The following TENM3 variants were observed in gnomAD, a reference collection of about 807,000 sequenced individuals.
TENM3 encodes teneurin transmembrane protein 3.
A neutral mutation model predicts 255.1 loss-of-function variants in TENM3; 63 were observed. The observed-to-expected ratio is 0.25, with a 90% CI of 0.20 to 0.30. The LOEUF is 0.30. Among genes scored for constraint, TENM3 ranks in the 10% least tolerant of loss-of-function variants. TENM3 has a pLI of 1.00. For missense variants in TENM3, 2,929 were observed against 3,461.1 expected (o/e 0.85, Z 3.86); for synonymous variants, 1,306 against 1,322.3 (o/e 0.99, Z 0.27).
At chr4:181,594,084 T>C in the TENM3 span, among the ~76,000 whole-genome samples, 1 of 151,876 alleles carries the variant, frequency 6.6e-6, no homozygotes, top group Admixed American at 6.6e-5. Context: ...CCTAATAAGG[T>C]AGCTGTTTCC....
chr4:182,734,243 G>A (rs753300897), intron 16 of TENM3, among the ~76,000 whole-genome samples: 1 of 152,162 alleles, frequency 6.6e-6, no homozygotes, highest in Non-Finnish European at 1.5e-5. Context: ...AGATGTGTAA[G>A]CAACAGTGGA....
the TENM3 span, among the ~76,000 whole-genome samples, chr4:181,597,447 T>C: frequency 1.3e-5 from 2 of 152,338 alleles, no homozygotes; most frequent in East Asian, 1.9e-4. Flanking sequence ...TTATCTTTTA[T>C]CTGCCAACAT....
chr4:182,397,096 T>C lies in TENM3; in HGVS notation c.511+50167T>C, dbSNP rs1002781731. On this transcript the variant is annotated intron_variant, in intron 3 of 27. Coordinates refer to ENST00000511685, the MANE Select transcript of TENM3 (RefSeq NM_001080477.4). Reference sequence around the variant, plus strand: ...TCAAATACAATTGCTTCCATCATCATGTTATGAATTAGGAACAGAAGAGTT... The same window carrying C: ...TCAAATACAATTGCTTCCATCATCACGTTATGAATTAGGAACAGAAGAGTT... 2.0e-5 allele frequency among the ~76,000 whole-genome samples: 3 copies of C among 151,926 alleles called. No individual in the cohort carries two copies. The East Asian group carries it at 5.8e-4, about 29-fold the overall frequency.
At chr4:181,550,223 T>A in the TENM3 span, among the ~76,000 whole-genome samples, 2 of 152,328 alleles carry the variant, frequency 1.3e-5, no homozygotes, top group Admixed American at 1.3e-4. Flanking sequence ...GTATGAGATT[T>A]GGATTATAAC....
the TENM3 span, among the ~76,000 whole-genome samples, chr4:181,836,116 C>G: frequency 6.6e-6 from 1 of 151,884 alleles, no homozygotes; most frequent in Non-Finnish European, 1.5e-5. Context: ...ATCAATCATT[C>G]TCTCCCCAGA....
chr4:182,065,929 T>A, the TENM3 span, among the ~76,000 whole-genome samples: 1 of 152,204 alleles, frequency 6.6e-6, no homozygotes, highest in Non-Finnish European at 1.5e-5. Flanking sequence ...GCAATATGCT[T>A]TTGGCTGTTG....
chr4:181,558,577 T>C, the TENM3 span, among the ~76,000 whole-genome samples: 1 of 152,232 alleles, frequency 6.6e-6, no homozygotes, highest in Non-Finnish European at 1.5e-5. Flanking sequence ...TCCAAATGGA[T>C]GCATTTATGA....
the TENM3 span, among the ~76,000 whole-genome samples, chr4:181,793,274 A>C: frequency 2.0e-5 from 3 of 152,150 alleles, no homozygotes; most frequent in African/African-American, 7.2e-5. Flanking sequence ...CTTTCTTCTA[A>C]GGCAAAATCT....
chr4:182,767,369 G>T (rs1371459886), intron 22 of TENM3, among the ~76,000 whole-genome samples: 2 of 152,172 alleles, frequency 1.3e-5, no homozygotes, highest in Admixed American at 1.3e-4. Context: ...TCATGACGGG[G>T]TTAGTAGTTG....
the TENM3 span, among the ~76,000 whole-genome samples, chr4:181,803,946 AAAAAAAAG>A: frequency 5.0e-5 from 7 of 141,268 alleles, no homozygotes; most frequent in African/African-American, 1.5e-4. Flanking sequence ...CAACAAAAAA[AAAAAAAAG>A]AAAGAAAGAA....
intron 1 of TENM3, among the ~76,000 whole-genome samples, chr4:182,320,366 C>G (rs1176261740): frequency 6.6e-6 from 1 of 152,204 alleles, no homozygotes; most frequent in Non-Finnish European, 1.5e-5. Flanking sequence ...AGAGAAGAAT[C>G]TGCTTCGCGC....
chr4:182,747,119 A>T (rs1446501681), intron 19 of TENM3, among the ~76,000 whole-genome samples: 1 of 152,192 alleles, frequency 6.6e-6, no homozygotes, highest in South Asian at 2.1e-4. Context: ...GGAACAGGTC[A>T]TAGGAAGAAA....
At chr4:181,914,413 T>C in the TENM3 span, among the ~76,000 whole-genome samples, 2 of 152,314 alleles carry the variant, frequency 1.3e-5, no homozygotes, top group Admixed American at 1.3e-4. Flanking sequence ...AATGCTTCCA[T>C]AGAACTTTTC....
the TENM3 span, among the ~76,000 whole-genome samples, chr4:181,524,118 A>G: frequency 1.3e-5 from 2 of 152,166 alleles, no homozygotes; most frequent in Non-Finnish European, 2.9e-5. Context: ...TTTTCTTTAT[A>G]AAGATTAACC....
chr4:181,928,741 G>T, the TENM3 span, among the ~76,000 whole-genome samples: 1,021 of 152,216 alleles, frequency 6.7e-3, 5 homozygotes, highest in African/African-American at 0.023. Context: ...GTTCACCAAG[G>T]TTGAAATGAA....
the TENM3 span, among the ~76,000 whole-genome samples, chr4:181,711,051 G>A: frequency 6.6e-6 from 1 of 151,978 alleles, no homozygotes; most frequent in South Asian, 2.1e-4. Flanking sequence ...TAGACCTGGG[G>A]TAGGGTAGAA....
chr4:182,168,309 A>AT (rs1174723075), intron 1 of TENM3, among the ~76,000 whole-genome samples: 4 of 151,866 alleles, frequency 2.6e-5, no homozygotes, highest in Admixed American at 6.6e-5. Flanking sequence ...TAATTTTTCT[A>AT]TTTTTTATAG....
intron 3 of TENM3, among the ~76,000 whole-genome samples, chr4:182,418,143 G>A (rs1770525339): frequency 6.6e-6 from 1 of 151,974 alleles, no homozygotes. Flanking sequence ...GAAAATACTG[G>A]TGAAAAAAAA....
intron 17 of TENM3, among the ~76,000 whole-genome samples, chr4:182,737,812 TCTC>T (rs976780962): frequency 1.4e-4 from 22 of 152,302 alleles, no homozygotes; most frequent in African/African-American, 4.6e-4. Context: ...AATTGCCACT[TCTC>T]CTTTCATTTT....
Sources: allele counts gnomAD v4.1 joint callset (sites outside exome capture counted in the v4.1 genomes callset), GRCh38; gene constraint gnomAD v4.1.1; transcripts MANE v1.5; gene names NCBI Gene and HGNC (gene_info 2026-07-23, HGNC 2026-07-21).